NEGR1: variants seen among roughly 807,000 people sequenced by gnomAD.
The protein encoded by NEGR1 is neuronal growth regulator 1, also known as IgLON family member 4.
In NEGR1, 10 loss-of-function variants were observed where a neutral mutation model predicts 40.9. The ratio of observed to expected loss-of-function variants is 0.24; its 90% CI spans 0.15 to 0.42. NEGR1 has a LOEUF of 0.42. Ranked by LOEUF, NEGR1 falls within the 10% of genes least tolerant of loss-of-function variation. The pLI, the probability that NEGR1 is intolerant of heterozygous loss-of-function variation, is 1.00. For missense variants in NEGR1, 352 were observed against 438.9 expected, an observed-to-expected ratio of 0.80 and a Z score of 1.77; for synonymous variants, 185 against 166.8, an observed-to-expected ratio of 1.11 and a Z score of -0.84.
At chr1:71,525,511 C>T (rs1183266840) in intron 6 of NEGR1, among the ~76,000 whole-genome samples, 2 of 151,736 alleles carry the variant, frequency 1.3e-5, no homozygotes, top group African/African-American at 2.4e-5. Context: ...ATCCTCCTCA[C>T]ATTAACTCAC....
chr1:71,933,926 A>G (rs1303070914), intron 2 of NEGR1, among the ~76,000 whole-genome samples: 1 of 152,132 alleles, frequency 6.6e-6, no homozygotes, highest in Non-Finnish European at 1.5e-5. Context: ...ATAAGGAAAT[A>G]AAGCTCAGTT....
At chr1:71,435,110 CAAAAAAAA>C (rs756919652) in intron 6 of NEGR1, among the ~76,000 whole-genome samples, 32 of 150,126 alleles carry the variant, frequency 2.1e-4, no homozygotes, top group African/African-American at 3.0e-4. Context: ...AACAAACAAA[CAAAAAAAA>C]AAAAAAAAGA....
chr1:71,694,054 T>G (rs917442596), intron 4 of NEGR1, among the ~76,000 whole-genome samples: 1 of 151,754 alleles, frequency 6.6e-6, no homozygotes, highest in Non-Finnish European at 1.5e-5. Context: ...GTTTTTCAAT[T>G]CACTTGAATC....
At chr1:72,216,328 C>A (rs1359732541) in intron 1 of NEGR1, among the ~76,000 whole-genome samples, 1 of 146,224 alleles carries the variant, frequency 6.8e-6, no homozygotes, top group Non-Finnish European at 1.5e-5. Context: ...ACCTATGTAA[C>A]AAACCTGCAG....
chr1:71,932,235 T>C (rs1216644617), intron 2 of NEGR1, among the ~76,000 whole-genome samples: 1 of 152,126 alleles, frequency 6.6e-6, no homozygotes, highest in Non-Finnish European at 1.5e-5. Context: ...ACTTAAATAT[T>C]TGTTCCCATT....
chr1:72,035,600 C>T (rs3128558), intron 1 of NEGR1, among the ~76,000 whole-genome samples: 49,335 of 151,974 alleles, frequency 0.32, 9,373 homozygotes, highest in African/African-American at 0.52. Flanking sequence ...TGTATAATCA[C>T]ACATGGTTAA....
chr1:72,281,795 T>C (rs549945151), intron 1 of NEGR1, among the ~76,000 whole-genome samples: 131 of 151,486 alleles, frequency 8.6e-4, no homozygotes, highest in Non-Finnish European at 1.7e-3. Context: ...GGGAAAATGG[T>C]ATAAGAGAAT....
At chr1:71,475,622 G>A (rs921548268) in intron 6 of NEGR1, among the ~76,000 whole-genome samples, 4 of 151,970 alleles carry the variant, frequency 2.6e-5, no homozygotes, top group Non-Finnish European at 5.9e-5. Context: ...TCTGAGTACA[G>A]TGTTCATTTA....
At position 71,694,293 on chromosome 1, in the gene NEGR1, T is replaced by G. The variant is rs367837511; in HGVS notation, c.667+3715A>C. Among the ~76,000 whole-genome samples, 23 of 151,554 alleles carry G rather than the reference T, an allele frequency of 1.5e-4. No individual in the cohort carries two copies. In the East Asian group the frequency reaches 4.5e-3, roughly 29 times the overall value. On this transcript the variant is annotated intron_variant, in intron 4 of 6. Coordinates refer to ENST00000357731, the MANE Select transcript of NEGR1 (RefSeq NM_173808.3). ...TGTGTGTCACAAGGTTTAATTATGA[T>G]AATTTTCATGACCCCTTTTCATTAT...
intron 2 of NEGR1, among the ~76,000 whole-genome samples, chr1:71,921,587 C>T (rs1399187384): frequency 6.7e-6 from 1 of 150,330 alleles, no homozygotes; most frequent in South Asian, 2.1e-4. Flanking sequence ...ATAACATTTT[C>T]TTCCCTTTAG....
At chr1:72,129,723 G>A (rs1413023142) in intron 1 of NEGR1, among the ~76,000 whole-genome samples, 1 of 152,150 alleles carries the variant, frequency 6.6e-6, no homozygotes, top group Non-Finnish European at 1.5e-5. Flanking sequence ...AAAAGGAATG[G>A]AAATAGGTAG....
intron 3 of NEGR1, among the ~76,000 whole-genome samples, chr1:71,765,769 G>A (rs1656099860): frequency 6.6e-6 from 1 of 152,098 alleles, no homozygotes; most frequent in Non-Finnish European, 1.5e-5. Flanking sequence ...TTAAAATCAT[G>A]GCATTCTGAT....
At chr1:71,777,285 C>T (rs983247766) in intron 2 of NEGR1, among the ~76,000 whole-genome samples, 29 of 152,044 alleles carry the variant, frequency 1.9e-4, no homozygotes, top group African/African-American at 6.8e-4. Flanking sequence ...AGTACATGTC[C>T]TATCTGGCTG....
chr1:71,483,914 A>AT (rs1282292789), intron 6 of NEGR1, among the ~76,000 whole-genome samples: 14 of 151,520 alleles, frequency 9.2e-5, no homozygotes, highest in East Asian at 1.9e-4. Flanking sequence ...TTCACTGAGG[A>AT]TTTTTTTTCA....
chr1:72,064,920 G>C (rs1370519290), intron 1 of NEGR1, among the ~76,000 whole-genome samples: 5 of 152,008 alleles, frequency 3.3e-5, no homozygotes, highest in Admixed American at 3.3e-4. Flanking sequence ...ATGACATTTA[G>C]TTGCAGTGTC....
At chr1:71,423,792 TTA>T (rs965144451) in intron 6 of NEGR1, among the ~76,000 whole-genome samples, 2 of 151,902 alleles carry the variant, frequency 1.3e-5, no homozygotes, top group South Asian at 4.2e-4. Context: ...AATTCTTTGA[TTA>T]TATCATTATG....
intron 1 of NEGR1, among the ~76,000 whole-genome samples, chr1:72,194,706 C>G (rs764645267): frequency 6.6e-6 from 1 of 152,144 alleles, no homozygotes; most frequent in Admixed American, 6.6e-5. Context: ...TTGCTTTTCA[C>G]AAAGGGGATT....
chr1:72,042,746 C>T (rs1365650098), intron 1 of NEGR1, among the ~76,000 whole-genome samples: 1 of 151,966 alleles, frequency 6.6e-6, no homozygotes, highest in Non-Finnish European at 1.5e-5. Flanking sequence ...TTGTATATTA[C>T]ACATGCCTAG....
intron 6 of NEGR1, among the ~76,000 whole-genome samples, chr1:71,491,126 G>T (rs1216527855): frequency 6.6e-6 from 1 of 151,892 alleles, no homozygotes; most frequent in East Asian, 1.9e-4. Context: ...TTAAAAAATT[G>T]CACCTGTACT....
Sources: allele counts gnomAD v4.1 joint callset (sites outside exome capture counted in the v4.1 genomes callset), GRCh38; gene constraint gnomAD v4.1.1; transcripts MANE v1.5; gene names NCBI Gene and HGNC (gene_info 2026-07-23, HGNC 2026-07-21).